The following MAPK4 variants were observed in gnomAD, a reference collection of about 807,000 sequenced individuals.
MAPK4 encodes the protein mitogen-activated protein kinase 4, also known as Erk3-related.
In MAPK4, 22 loss-of-function variants were observed where a neutral mutation model predicts 47.7. That is an observed-to-expected ratio of 0.46 (90% CI 0.33 to 0.66). The LOEUF (loss-of-function observed/expected upper bound fraction) is 0.66, where lower values mean the gene tolerates loss of function less well. MAPK4 is among the 30% of genes least tolerant of loss of function. The probability of loss-of-function intolerance (pLI) is 0.02; values close to 1 mark genes in which losing one functional copy is unlikely to be tolerated. For synonymous variants in MAPK4, 390 were observed against 365.7 expected, an observed-to-expected ratio of 1.07 and a Z score of -0.76; for missense variants, 736 against 831.7, an observed-to-expected ratio of 0.88 and a Z score of 1.42.
At chr18:50,619,695 G>A (rs1037349657) in intron 1 of MAPK4, among the ~76,000 whole-genome samples, 1 of 152,176 alleles carries the variant, frequency 6.6e-6, no homozygotes, top group Non-Finnish European at 1.5e-5. Context: ...CTGCCTCTTT[G>A]TTCCTGCGTC....
intron 1 of MAPK4, among the ~76,000 whole-genome samples, chr18:50,589,923 A>T (rs1228397967): frequency 6.6e-6 from 1 of 152,232 alleles, no homozygotes; most frequent in Non-Finnish European, 1.5e-5. Context: ...CAATATATTT[A>T]TGTAGCTCTT....
At chr18:50,606,953 G>A (rs2042587765) in intron 1 of MAPK4, among the ~76,000 whole-genome samples, 4 of 152,214 alleles carry the variant, frequency 2.6e-5, no homozygotes, top group Admixed American at 2.6e-4. Context: ...AAGTGACTAC[G>A]TGAGCCGAGT....
intron 1 of MAPK4, among the ~76,000 whole-genome samples, chr18:50,661,252 G>A (rs1018385507): frequency 1.3e-5 from 2 of 152,200 alleles, no homozygotes; most frequent in Admixed American, 1.3e-4. Flanking sequence ...GCCATTACAT[G>A]ACTTGGGCAG....
intron 1 of MAPK4, among the ~76,000 whole-genome samples, chr18:50,601,270 G>A (rs909130768): frequency 6.8e-6 from 1 of 146,616 alleles, no homozygotes; most frequent in African/African-American, 2.5e-5. Flanking sequence ...GGAGGTGGAG[G>A]TTGCAGTGAG....
Position 50,664,039 on chromosome 18 carries a change from C to T in MAPK4, c.81C>T (p.Gly27=), listed in dbSNP as rs1490455211. 1.2e-6 allele frequency: 2 copies of T among 1,613,832 alleles called. No homozygotes were observed. The highest frequency in any genetic ancestry group is 1.7e-6 in the Non-Finnish European group (2 of 1,180,036). Residue 27 remains glycine, a synonymous_variant, in exon 2 of 6, where the codon GGC becomes GGT. Transcript: ENST00000400384. The surrounding 1 kb of genome is among the most constrained non-coding windows in gnomAD (Gnocchi z 6.0). ...GGRFVDFQPL[G]FGVNGLVLSA... ...GCTTTGTTGACTTCCAACCCCTGGG[C>T]TTCGGTGTCAATGGTTTGGTGCTGT... is the stretch of plus-strand genomic sequence containing the variant.
chr18:50,602,441 G>T (rs2042548800), intron 1 of MAPK4, among the ~76,000 whole-genome samples: 1 of 152,116 alleles, frequency 6.6e-6, no homozygotes, highest in South Asian at 2.1e-4. Context: ...TTGTCTATCA[G>T]AATGACCAGC....
At chr18:50,714,974 G>C in intron 2 of MAPK4, 105 bp from the exon 3 acceptor site, 1 of 1,120,302 alleles carries the variant, frequency 8.9e-7, no homozygotes, top group East Asian at 2.4e-5. Flanking sequence ...GAATGAAAGG[G>C]ACCCTGAAAG....
In MAPK4 at chr18:50,702,791, T is replaced by G. The variant is rs1162845170; in HGVS notation, c.547-12288T>G. On this transcript the variant is annotated intron_variant, in intron 2 of 5. Coordinates refer to ENST00000400384, the MANE Select transcript of MAPK4 (RefSeq NM_002747.4). ...AACCAGCATACTTACTGCCCAGAGCTGGAGTGTATGCTCCCTGAAGACAGT... is the reference window on the plus strand; with the variant it reads ...AACCAGCATACTTACTGCCCAGAGCGGGAGTGTATGCTCCCTGAAGACAGT... Among the ~76,000 whole-genome samples, 5 of 152,232 alleles carry G rather than the reference T, an allele frequency of 3.3e-5. No homozygotes were observed. In the East Asian group the frequency reaches 9.7e-4, roughly 29 times the overall value.
At chr18:50,582,848 G>A (rs2042358098) in intron 1 of MAPK4, among the ~76,000 whole-genome samples, 1 of 152,200 alleles carries the variant, frequency 6.6e-6, no homozygotes, top group Non-Finnish European at 1.5e-5. Context: ...AGAGATGCCA[G>A]CAATCATGGA....
At position 50,729,412 on chromosome 18, in the gene MAPK4, T is replaced by G; in HGVS notation, c.1322T>G (p.Leu441Arg). 1 of 1,555,672 alleles carries G rather than the reference T, an allele frequency of 6.4e-7. No individual in the cohort carries two copies. Among genetic ancestry groups the G allele is most frequent in the Non-Finnish European group, 8.7e-7 (1 of 1,151,910 alleles). Residue 441 changes from leucine (L) to arginine (R), a missense_variant, in exon 6 of 6, where the codon CTG becomes CGG. Coordinates refer to ENST00000400384, the MANE Select transcript of MAPK4 (RefSeq NM_002747.4). Reference sequence around the variant, plus strand: ...GGGTCGCCGTCCTACCTGGACAAGCTGCTGTGGCGCGACAACAAGCCGCAC... The same window carrying G: ...GGGTCGCCGTCCTACCTGGACAAGCGGCTGTGGCGCGACAACAAGCCGCAC... ...KVGSPSYLDKLLWRDNKPHHY... is the reference protein window; with the variant it reads ...KVGSPSYLDKRLWRDNKPHHY...
chr18:50,605,169 C>T (rs1033910368), intron 1 of MAPK4, among the ~76,000 whole-genome samples: 8 of 152,136 alleles, frequency 5.3e-5, no homozygotes, highest in Admixed American at 3.3e-4. Context: ...TGTTAAGTGA[C>T]TTATGTAAAG....
intron 1 of MAPK4, among the ~76,000 whole-genome samples, chr18:50,618,065 C>G (rs2042699712): frequency 6.6e-6 from 1 of 152,210 alleles, no homozygotes; most frequent in Non-Finnish European, 1.5e-5. Context: ...ATATATCTAT[C>G]ATATGTGTAT....
chr18:50,573,804 C>T (rs1219442743), intron 1 of MAPK4, among the ~76,000 whole-genome samples: 2 of 152,184 alleles, frequency 1.3e-5, no homozygotes, highest in Non-Finnish European at 2.9e-5. Context: ...CATATATCCT[C>T]CATGGTTTTG....
At chr18:50,720,884 C>T (rs183645274) in intron 3 of MAPK4, among the ~76,000 whole-genome samples, 1 of 152,290 alleles carries the variant, frequency 6.6e-6, no homozygotes, top group Admixed American at 6.5e-5. Context: ...GTGCTTAGGG[C>T]CACACAGGGA....
At chr18:50,676,404 C>A (rs1239786294) in intron 2 of MAPK4, among the ~76,000 whole-genome samples, 2 of 152,212 alleles carry the variant, frequency 1.3e-5, no homozygotes, top group Non-Finnish European at 2.9e-5. Flanking sequence ...AGCCGTCAAA[C>A]CAGTTATCAA....
At chr18:50,640,556 C>T (rs1327385142) in intron 1 of MAPK4, among the ~76,000 whole-genome samples, 1 of 152,098 alleles carries the variant, frequency 6.6e-6, no homozygotes. Flanking sequence ...ACCCCTGCAT[C>T]CTGGGTTCAA....
At chr18:50,706,284 C>A (rs907011161) in intron 2 of MAPK4, 1 of 152,116 alleles carries the variant, frequency 6.6e-6, no homozygotes, top group African/African-American at 2.4e-5. Context: ...ATACTACTTA[C>A]CTTTCCAAAG....
At chr18:50,671,537 C>T (rs1907948565) in intron 2 of MAPK4, among the ~76,000 whole-genome samples, 1 of 152,186 alleles carries the variant, frequency 6.6e-6, no homozygotes, top group Non-Finnish European at 1.5e-5. Context: ...ATGTCAAACA[C>T]ATGCAGCCAG....
chr18:50,568,415 T>C (rs563820037), intron 1 of MAPK4, among the ~76,000 whole-genome samples: 46 of 152,316 alleles, frequency 3.0e-4, no homozygotes, highest in African/African-American at 1.1e-3. Context: ...TTCTCAGGCC[T>C]TAATTCTTAT....
Sources: allele counts gnomAD v4.1 joint callset (sites outside exome capture counted in the v4.1 genomes callset), GRCh38; gene constraint gnomAD v4.1.1; non-coding constraint Gnocchi (gnomAD v3.1); transcripts MANE v1.5; gene names NCBI Gene and HGNC (gene_info 2026-07-23, HGNC 2026-07-21).